PHKA1: variants seen among roughly 807,000 people sequenced by gnomAD.
PHKA1 encodes the protein phosphorylase b kinase regulatory subunit alpha, skeletal muscle isoform.
In PHKA1, 60 loss-of-function variants were observed where a neutral mutation model predicts 110.2. The observed-to-expected ratio is 0.54, with a 90% CI of 0.44 to 0.68. PHKA1 has a LOEUF of 0.68. Among genes scored for constraint, PHKA1 ranks in the 30% least tolerant of loss-of-function variants. The pLI is 0.00. For synonymous variants in PHKA1, 316 were observed against 333.6 expected, an observed-to-expected ratio of 0.95 and a Z score of 0.58; for missense variants, 801 against 942.5, an observed-to-expected ratio of 0.85 and a Z score of 1.97.
At chrX:72,664,709 C>A (rs1305332083) in intron 8 of PHKA1, among the ~76,000 whole-genome samples, 1 of 111,485 alleles carries the variant, frequency 9.0e-6, no homozygotes, top group African/African-American at 3.3e-5. Context: ...AAATTGAAAT[C>A]ATTATCAATT....
chrX:72,689,161 T>C (rs2054003675), intron 4 of PHKA1, among the ~76,000 whole-genome samples: 1 of 112,443 alleles, frequency 8.9e-6, no homozygotes, highest in South Asian at 3.7e-4. Flanking sequence ...TTCTCTCATT[T>C]TTAGAAACAA....
chrX:72,659,134 T>C (rs1194515842), intron 8 of PHKA1, among the ~76,000 whole-genome samples: 1 of 111,866 alleles, frequency 8.9e-6, no homozygotes, highest in African/African-American at 3.3e-5. Flanking sequence ...TTTTCAGTTA[T>C]TTATTTATAT....
intron 6 of PHKA1, among the ~76,000 whole-genome samples, chrX:72,668,172 T>C (rs189147532): frequency 8.9e-6 from 1 of 112,290 alleles, no homozygotes; most frequent in Admixed American, 9.5e-5. Flanking sequence ...AAACATCTCT[T>C]GCTAAATTAT....
At chrX:72,614,181 A>T (rs991788977) in intron 21 of PHKA1, among the ~76,000 whole-genome samples, 6 of 111,790 alleles carry the variant, frequency 5.4e-5, no homozygotes, top group Non-Finnish European at 1.1e-4. Flanking sequence ...ATAAACACTG[A>T]ATTATTTAGG....
Position 72,605,606 on chromosome X carries a change from C to T in PHKA1, c.2620G>A (p.Glu874Lys). 1 of 1,201,378 alleles carries T rather than the reference C, an allele frequency of 8.3e-7. No individual in the cohort carries two copies. Among genetic ancestry groups the T allele is most frequent in the Non-Finnish European group, 1.1e-6 (1 of 886,119 alleles). The change falls in exon 24 of 32, where the codon GAG becomes AAG. Residue 874 changes from glutamate (E) to lysine (K), a missense_variant. Physicochemically the swap from Glu to Lys is moderately conservative, Grantham distance 56. Coordinates refer to ENST00000373542, the MANE Select transcript of PHKA1 (RefSeq NM_002637.4). ...EKTISAPLPYEALTQLIDEAS... is the reference protein window; with the variant it reads ...EKTISAPLPYKALTQLIDEAS... ...TCATCTATCAGCTGAGTGAGCGCCT[C>T]ATAGGGCAGAGGTCTAAGGAAAAAG...
At chrX:72,640,275 G>A (rs1451000364) in intron 14 of PHKA1, among the ~76,000 whole-genome samples, 1 of 111,773 alleles carries the variant, frequency 8.9e-6, no homozygotes, top group African/African-American at 3.2e-5. Context: ...AAGAGAAAGT[G>A]TCAGTATCCC....
chrX:72,604,055 G>A (rs1449369544), intron 25 of PHKA1, among the ~76,000 whole-genome samples: 1 of 109,626 alleles, frequency 9.1e-6, no homozygotes, highest in Non-Finnish European at 1.9e-5. Flanking sequence ...TGAATCCACA[G>A]GAAAACAAGA....
At chrX:72,645,780 A>G (rs1923551369) in intron 13 of PHKA1, among the ~76,000 whole-genome samples, 1 of 112,251 alleles carries the variant, frequency 8.9e-6, no homozygotes, top group Admixed American at 9.4e-5. Flanking sequence ...AGTGGCATAC[A>G]CATGGATTGT....
intron 28 of PHKA1, 92 bp downstream of exon 28, chrX:72,601,899 T>A: frequency 3.1e-6 from 2 of 641,239 alleles, no homozygotes; most frequent in Non-Finnish European, 5.1e-6. Context: ...CCATGACTTG[T>A]TATCTTATTT....
At chrX:72,695,064 G>A (rs1295955679) in intron 4 of PHKA1, among the ~76,000 whole-genome samples, 1 of 111,294 alleles carries the variant, frequency 9.0e-6, no homozygotes, top group Non-Finnish European at 1.9e-5. Flanking sequence ...GAGAAGAAGA[G>A]TATTTTGAGG....
intron 17 of PHKA1, 29 bp from the exon 18 acceptor site, chrX:72,623,304 A>G (rs1556280355): frequency 8.8e-7 from 1 of 1,133,757 alleles, no homozygotes; most frequent in Middle Eastern, 2.4e-4. Context: ...TAGAAAACAG[A>G]AAATCAGGGG....
chrX:72,640,294 T>C lies in PHKA1; in HGVS notation c.1460-3908A>G, dbSNP rs576379063. On this transcript the variant is annotated intron_variant, in intron 14 of 31. Coordinates refer to ENST00000373542, the MANE Select transcript of PHKA1 (RefSeq NM_002637.4). ...GAAAGTGTCAGTATCCCTAATATAT[T>C]TAAAAATACCTCATGGAAATCAGTA... 6.3e-5 allele frequency among the ~76,000 whole-genome samples: 7 copies of C among 111,511 alleles called. No individual in the cohort carries two copies. In the South Asian group the frequency reaches 2.6e-3, roughly 42 times the overall value.
chrX:72,599,540 CTG>C (rs782627253), intron 28 of PHKA1, among the ~76,000 whole-genome samples: 3 of 111,879 alleles, frequency 2.7e-5, no homozygotes, highest in Non-Finnish European at 5.6e-5. Flanking sequence ...CTTTCTGACT[CTG>C]TGTACTTAGG....
intron 26 of PHKA1, 32 bp downstream of exon 26, chrX:72,603,087 T>TATGAA (rs782752386): frequency 1.1e-6 from 1 of 948,136 alleles, no homozygotes; most frequent in South Asian, 2.0e-5. Context: ...AACCAAACAG[T>TATGAA]ATGAAATGAA....
chrX:72,670,448 T>A (rs1196044768), intron 6 of PHKA1, among the ~76,000 whole-genome samples: 1 of 111,615 alleles, frequency 9.0e-6, no homozygotes, highest in African/African-American at 3.3e-5. Context: ...GAAGGATAGC[T>A]TACCAACCAA....
At chrX:72,604,623 C>T (rs1228326398) in intron 25 of PHKA1, among the ~76,000 whole-genome samples, 1 of 111,144 alleles carries the variant, frequency 9.0e-6, no homozygotes, top group African/African-American at 3.3e-5. Context: ...CTATGCCATC[C>T]CTATCTGTAT....
intron 29 of PHKA1, among the ~76,000 whole-genome samples, chrX:72,587,904 C>T (rs1349677525): frequency 5.4e-5 from 6 of 111,594 alleles, no homozygotes; most frequent in African/African-American, 2.0e-4. Context: ...ATATATGCAC[C>T]CAATACAGGA....
intron 17 of PHKA1, among the ~76,000 whole-genome samples, chrX:72,626,741 A>G (rs188291815): frequency 9.0e-5 from 10 of 111,692 alleles, no homozygotes; most frequent in Non-Finnish European, 1.9e-4. Flanking sequence ...ACAATATACT[A>G]TAATAAAAGT....
At position 72,697,707 on chromosome X, in the gene PHKA1, G is replaced by A. The variant is rs60625908; in HGVS notation, c.286-1831C>T. On this transcript the variant is annotated intron_variant, in intron 3 of 31. Transcript: ENST00000373542. ...GTCTTTGTTTAAAAAAATTTTGGCC[G>A]GGTGCGGTGGCTCACGCCTGTAATA... 0.066 allele frequency among the ~76,000 whole-genome samples: 7,302 copies of A among 110,109 alleles called. 813 individuals carry two copies. In the East Asian group the frequency reaches 0.68, roughly 10 times the overall value.
Sources: gnomAD v4.1 joint callset for allele counts (sites outside exome capture counted in the v4.1 genomes callset) on GRCh38, gnomAD v4.1.1 for gene constraint, MANE v1.5 for transcripts, NCBI Gene and HGNC (gene_info 2026-07-23, HGNC 2026-07-21) for gene names.